The following ZDHHC11B variants were observed in gnomAD, a reference collection of about 807,000 sequenced individuals.
The protein encoded by ZDHHC11B is probable palmitoyltransferase ZDHHC11B.
In ZDHHC11B, 17 loss-of-function variants were observed where a neutral mutation model predicts 42.3. That is an observed-to-expected ratio of 0.40 (90% CI 0.27 to 0.60). The LOEUF (loss-of-function observed/expected upper bound fraction) is 0.60. Among genes scored for constraint, ZDHHC11B ranks in the 20% least tolerant of loss-of-function variants. The probability of loss-of-function intolerance (pLI) is 0.41; values close to 1 mark genes in which losing one functional copy is unlikely to be tolerated. For synonymous variants in ZDHHC11B, 123 were observed against 193.5 expected (o/e 0.64, Z 3.02); for missense variants, 262 against 463.2 (o/e 0.57, Z 3.99).
At chr5:713,366 T>C (rs1449618223) in intron 13 of ZDHHC11B, among the ~76,000 whole-genome samples, 1 of 152,074 alleles carries the variant, frequency 6.6e-6, no homozygotes, top group Non-Finnish European at 1.5e-5. Flanking sequence ...TAGTTTTCTG[T>C]TCTCTTCAGA....
chr5:762,350 C>G (rs445674), intron 4 of ZDHHC11B, among the ~76,000 whole-genome samples: 114,837 of 151,418 alleles, frequency 0.76, 41,634 homozygotes, highest in East Asian at 0.82. Context: ...AAGAGGGATG[C>G]AGCAAGATAG....
rs1328281806 is a variant in ZDHHC11B, at chr5:764,355, C to A, written c.222+2343G>T. Among the ~76,000 whole-genome samples, 3 of 149,910 alleles carry A rather than the reference C, an allele frequency of 2.0e-5. No homozygotes were observed. In the East Asian group the frequency reaches 5.8e-4, roughly 29 times the overall value. ...CTCTCTGGGCTGGCCGAGGCCAGAG[C>A]CGGCTCCCTCGGCTTGTGGGGAGGT... On this transcript the variant is annotated intron_variant, in intron 4 of 13. Coordinates refer to ENST00000508859, the MANE Select transcript of ZDHHC11B (RefSeq NM_001351303.2).
chr5:722,478 T>C (rs363879), intron 12 of ZDHHC11B, among the ~76,000 whole-genome samples: 1 of 151,498 alleles, frequency 6.6e-6, no homozygotes, highest in African/African-American at 2.4e-5. Context: ...AATACTGAAG[T>C]AGGCCACAAT....
chr5:741,915 C>CACTAGCAAACA (rs70955297), intron 9 of ZDHHC11B, among the ~76,000 whole-genome samples: 1 of 56,218 alleles, frequency 1.8e-5, no homozygotes, highest in Non-Finnish European at 4.0e-5. Flanking sequence ...ATTTAACTCC[C>CACTAGCAAACA]ACGCAGGAGA....
intron 1 of ZDHHC11B, among the ~76,000 whole-genome samples, chr5:771,646 GTT>G (rs1736061062): frequency 6.6e-6 from 1 of 151,790 alleles, no homozygotes; most frequent in Non-Finnish European, 1.5e-5. Context: ...CCTGGCCTGT[GTT>G]TCCCCTGGGC....
chr5:780,413 C>T (rs1448135984), intron 1 of ZDHHC11B, among the ~76,000 whole-genome samples: 6 of 151,158 alleles, frequency 4.0e-5, no homozygotes, highest in South Asian at 2.1e-4. Flanking sequence ...GCGCTGAGCA[C>T]GAGCACCTGG....
Position 748,657 on chromosome 5 carries a change from G to A in ZDHHC11B, c.629-98C>T, listed in dbSNP as rs564478469. 60 of 1,213,896 alleles carry A rather than the reference G, an allele frequency of 4.9e-5. 10 individuals carry two copies. Among genetic ancestry groups the A allele is most frequent in the Middle Eastern group, 4.9e-4 (2 of 4,066 alleles). 75.2% of individuals were successfully genotyped at this position (1,213,896 alleles called of 1,614,324 possible). A position where few individuals can be genotyped will look rare whatever the true frequency, so the allele number is the denominator to read the frequency against. On this transcript the variant is annotated intron_variant, in intron 7 of 13. Transcript: ENST00000508859. The stretch of plus-strand genomic sequence containing the variant: ...CAGAGCTTGCTGGGGATGGGGCGGC[G>A]TGGAGACAGCCAGCACGAGGGATGC...
In ZDHHC11B at chr5:731,789, T is replaced by C. The variant is rs142391750; in HGVS notation, c.1024-1321A>G. On this transcript the variant is annotated intron_variant, in intron 11 of 13. Coordinates refer to ENST00000508859, the MANE Select transcript of ZDHHC11B (RefSeq NM_001351303.2). ...TGCCTAACACAAGACTCCGGAGATA[T>C]TCTAGGATTTTTGTAGGAATGTTAA... Among the ~76,000 whole-genome samples the C allele has an allele frequency of 3.2e-3, 485 of 151,916 alleles. 12 individuals carry two copies. Among genetic ancestry groups the C allele is most frequent in the African/African-American group, 0.01 (423 of 41,290 alleles).
intron 7 of ZDHHC11B, among the ~76,000 whole-genome samples, chr5:750,325 G>A (rs73730933): frequency 0.12 from 15,399 of 123,288 alleles, 2,346 homozygotes; most frequent in African/African-American, 0.37. Flanking sequence ...CGCTGCCTCC[G>A]CAGGGTCCAG....
At chr5:756,493 C>T (rs1364168346) in intron 4 of ZDHHC11B, among the ~76,000 whole-genome samples, 2 of 150,998 alleles carry the variant, frequency 1.3e-5, no homozygotes, top group South Asian at 2.1e-4. Flanking sequence ...GGAAGGCTGC[C>T]CCCATGCCCC....
chr5:725,952 A>G (rs1413710914), intron 12 of ZDHHC11B, among the ~76,000 whole-genome samples: 2 of 151,900 alleles, frequency 1.3e-5, no homozygotes, highest in African/African-American at 4.8e-5. Context: ...CCTCCAGTGG[A>G]AAATTAATAC....
rs1475809607 is a variant in ZDHHC11B at position 733,783 on chromosome 5, G to A, written c.992C>T (p.Ser331Leu). The change falls in exon 11 of 14, where the codon TCA becomes TTA. Residue 331 changes from serine (S) to leucine (L), a missense_variant. Transcript: ENST00000508859. ...IYKCPCHFCTSVNQDGDSKAQ... is the reference protein window; with the variant it reads ...IYKCPCHFCTLVNQDGDSKAQ... Reference sequence around the variant, plus strand: ...CTTCGAATCCCCGTCCTGGTTTACTGAAGTGCAGAAGTGACATGGGCATTT... The same window carrying A: ...CTTCGAATCCCCGTCCTGGTTTACTAAAGTGCAGAAGTGACATGGGCATTT... The A allele has an allele frequency of 3.1e-6, 5 of 1,611,168 alleles. No individual in the cohort carries two copies. Among genetic ancestry groups the A allele is most frequent in the Non-Finnish European group, 4.2e-6 (5 of 1,179,400 alleles).
In ZDHHC11B at chr5:727,878, C is replaced by A. The variant is rs1439548339; in HGVS notation, c.1058+2556G>T. ...GAGTTCTGGATGATTTTTGTATAAC[C>A]CTGGAGTAAGAAAGACTTTTTAAAG... On this transcript the variant is annotated intron_variant, in intron 12 of 13. Coordinates refer to ENST00000508859, the MANE Select transcript of ZDHHC11B (RefSeq NM_001351303.2). Among the ~76,000 whole-genome samples, 5 of 151,452 alleles carry A rather than the reference C, an allele frequency of 3.3e-5. 1 individual carries two copies. Among genetic ancestry groups the A allele is most frequent in the South Asian group, 2.1e-4 (1 of 4,798 alleles).
intron 6 of ZDHHC11B, among the ~76,000 whole-genome samples, chr5:754,002 T>G (rs1458159034): frequency 4.3e-5 from 6 of 139,804 alleles, no homozygotes; most frequent in African/African-American, 1.5e-4. Context: ...CCCTGGATCC[T>G]CCACTGTGCT....
intron 4 of ZDHHC11B, among the ~76,000 whole-genome samples, chr5:759,364 T>C (rs868249201): frequency 1.3e-5 from 2 of 151,996 alleles, no homozygotes; most frequent in South Asian, 2.1e-4. Context: ...TGGGGCCCGG[T>C]GCGGTCACGT....
intron 3 of ZDHHC11B, 93 bp from the exon 4 acceptor site, chr5:767,012 G>A (rs1266885110): frequency 4.9e-6 from 7 of 1,432,870 alleles, no homozygotes; most frequent in African/African-American, 4.1e-5. Context: ...CTGGGAACAT[G>A]GCCCCCAGGA....
chr5:737,546 T>A (rs1743675741), intron 10 of ZDHHC11B, among the ~76,000 whole-genome samples: 1 of 148,610 alleles, frequency 6.7e-6, no homozygotes, highest in African/African-American at 2.5e-5. Context: ...GATGCAAAAA[T>A]CCTCAACAAA....
At chr5:720,460 A>G (rs1742097767) in intron 12 of ZDHHC11B, among the ~76,000 whole-genome samples, 1 of 151,850 alleles carries the variant, frequency 6.6e-6, no homozygotes, top group African/African-American at 2.4e-5. Context: ...AATAACTAAG[A>G]CATTCTCAGA....
chr5:763,117 C>T (rs1352771208), intron 4 of ZDHHC11B, among the ~76,000 whole-genome samples: 2 of 151,886 alleles, frequency 1.3e-5, no homozygotes, highest in Non-Finnish European at 2.9e-5. Context: ...CGCCTATAAT[C>T]CCAGCACTTT....
Sources: gnomAD v4.1 joint callset for allele counts (sites outside exome capture counted in the v4.1 genomes callset) on GRCh38, gnomAD v4.1.1 for gene constraint, MANE v1.5 for transcripts, NCBI Gene and HGNC (gene_info 2026-07-23, HGNC 2026-07-21) for gene names.